TRIM5: variants seen among roughly 807,000 people sequenced by gnomAD.
The protein encoded by TRIM5 is tripartite motif containing 5, also known as tripartite motif-containing protein 5.
TRIM5 carries 31 observed loss-of-function variants against 35.6 expected under a neutral mutation model. The ratio of observed to expected loss-of-function variants is 0.87; its 90% CI spans 0.65 to 1.18. The LOEUF (loss-of-function observed/expected upper bound fraction) is 1.18, where lower values mean the gene tolerates loss of function less well. Among genes scored for constraint, TRIM5 ranks in the 50% most tolerant of loss-of-function variants. TRIM5 has a pLI of 0.00. For missense variants in TRIM5, 609 were observed against 591.6 expected (o/e 1.03, Z -0.31); for synonymous variants, 243 against 215.6 (o/e 1.13, Z -1.11).
At chr11:5,627,237 G>A in the TRIM5 span, among the ~76,000 whole-genome samples, 182 of 152,048 alleles carry the variant, frequency 1.2e-3, 2 homozygotes, top group Middle Eastern at 0.024. Context: ...AAAATTAGCT[G>A]GGCGTTGTGG....
the TRIM5 span, among the ~76,000 whole-genome samples, chr11:5,639,168 A>G: frequency 2.0e-5 from 3 of 152,136 alleles, no homozygotes; most frequent in Admixed American, 6.5e-5. Flanking sequence ...TTGTTTTCAC[A>G]TTTCAGCCCT....
chr11:5,630,446 T>G, the TRIM5 span, among the ~76,000 whole-genome samples: 1 of 152,206 alleles, frequency 6.6e-6, no homozygotes, highest in Non-Finnish European at 1.5e-5. Flanking sequence ...TCACTTTTAC[T>G]TCATTTAGGA....
At chr11:5,654,456 C>G in the TRIM5 span, among the ~76,000 whole-genome samples, 1 of 152,114 alleles carries the variant, frequency 6.6e-6, no homozygotes, top group African/African-American at 2.4e-5. Flanking sequence ...ATTGCTTAGG[C>G]TGTGGTTGTT....
the TRIM5 span, among the ~76,000 whole-genome samples, chr11:5,622,636 A>T: frequency 1.2e-5 from 1 of 83,516 alleles, no homozygotes; most frequent in Non-Finnish European, 2.1e-5. Context: ...CAAACAAACA[A>T]ATAAAAAAAA....
the TRIM5 span, chr11:5,605,349 C>T: frequency 6.2e-7 from 1 of 1,614,018 alleles, no homozygotes. Context: ...TCAGATGGAG[C>T]CTGAGAGATG....
At chr11:5,649,489 A>G in the TRIM5 span, among the ~76,000 whole-genome samples, 1 of 152,096 alleles carries the variant, frequency 6.6e-6, no homozygotes, top group African/African-American at 2.4e-5. Context: ...CTTAACCTAC[A>G]TTGTGGAGTA....
At chr11:5,649,718 A>G in the TRIM5 span, among the ~76,000 whole-genome samples, 1 of 152,192 alleles carries the variant, frequency 6.6e-6, no homozygotes, top group African/African-American at 2.4e-5. Flanking sequence ...GCAGAAGTAG[A>G]AGGCAAAATT....
At chr11:5,646,255 T>C in the TRIM5 span, among the ~76,000 whole-genome samples, 3 of 151,942 alleles carry the variant, frequency 2.0e-5, no homozygotes, top group Non-Finnish European at 2.9e-5. Flanking sequence ...CACTCTGAAA[T>C]GATAAAAATT....
chr11:5,633,093 C>T, the TRIM5 span, among the ~76,000 whole-genome samples: 2 of 150,510 alleles, frequency 1.3e-5, no homozygotes, highest in Non-Finnish European at 3.0e-5. Flanking sequence ...CCACCTCGGC[C>T]TCCCAAAGTG....
At chr11:5,596,592 A>G in the TRIM5 span, 1 of 127,124 alleles carries the variant, frequency 7.9e-6, no homozygotes, top group Non-Finnish European at 1.6e-5. Flanking sequence ...CGCTCCAGGA[A>G]GTGAGCACCG....
the TRIM5 span, among the ~76,000 whole-genome samples, chr11:5,629,813 T>C: frequency 1.6e-4 from 24 of 152,300 alleles, no homozygotes; most frequent in South Asian, 6.2e-4. Flanking sequence ...GTTCACGCCA[T>C]TCTCCTGCCT....
the TRIM5 span, among the ~76,000 whole-genome samples, chr11:5,595,927 C>T: frequency 6.6e-6 from 1 of 152,080 alleles, no homozygotes; most frequent in Non-Finnish European, 1.5e-5. Flanking sequence ...GTTATCCGCC[C>T]GCCTCGGCCT....
intron 4 of TRIM5, among the ~76,000 whole-genome samples, 171 bp from the exon 5 acceptor site, chr11:5,667,882 G>T (rs1262270833): frequency 6.6e-6 from 1 of 152,172 alleles, no homozygotes; most frequent in Non-Finnish European, 1.5e-5. Flanking sequence ...AGACTCATGT[G>T]AGATTTCCAA....
rs57512079 is a variant in TRIM5 at position 5,667,450 on chromosome 11, C to T, written c.767+239G>A. Among the ~76,000 whole-genome samples the T allele has an allele frequency of 3.4e-4, 52 of 152,144 alleles. 1 individual carries two copies. Among genetic ancestry groups the T allele is most frequent in the Admixed American group, 6.6e-5 (1 of 15,266 alleles). On this transcript the variant is annotated intron_variant, in intron 5 of 7. Coordinates refer to ENST00000380034, the MANE Select transcript of TRIM5 (RefSeq NM_033034.3). ...TCTCAAACTCCTGATCTTCCTGACT[C>T]GGCGTCCCAAAGTGCTGGGATTATA...
At chr11:5,596,895 C>T in the TRIM5 span, 1 of 1,613,922 alleles carries the variant, frequency 6.2e-7, no homozygotes, top group East Asian at 2.2e-5. Context: ...TCTCATTCCC[C>T]AGATGTGCGG....
chr11:5,652,255 A>T, the TRIM5 span, among the ~76,000 whole-genome samples: 1 of 152,164 alleles, frequency 6.6e-6, no homozygotes, highest in East Asian at 1.9e-4. Flanking sequence ...TGTGTCCAGA[A>T]TGGTATTACC....
the TRIM5 span, chr11:5,610,000 G>C: frequency 1.3e-6 from 1 of 743,876 alleles, no homozygotes; most frequent in Non-Finnish European, 2.2e-6. Flanking sequence ...TCTGGCTCCA[G>C]TGCCAGGGCT....
chr11:5,680,192 T>TG lies in TRIM5; in HGVS notation c.-16dup. ...CCAGAAGCCATAGTAGCTATTCCACTGCTCCTGCCTGTCCTGGCTGCTGAG... is the reference window on the plus strand; with the variant it reads ...CCAGAAGCCATAGTAGCTATTCCACTGGCTCCTGCCTGTCCTGGCTGCTGAG... On this transcript the variant is annotated 5_prime_UTR_variant, in exon 2 of 8. Coordinates refer to ENST00000380034, the MANE Select transcript of TRIM5 (RefSeq NM_033034.3). 1 of 1,576,550 alleles carries TG rather than the reference T, an allele frequency of 6.3e-7. No homozygotes were observed. Among genetic ancestry groups the TG allele is most frequent in the Admixed American group, 1.8e-5 (1 of 57,118 alleles).
At chr11:5,606,979 G>A in the TRIM5 span, among the ~76,000 whole-genome samples, 2 of 152,258 alleles carry the variant, frequency 1.3e-5, no homozygotes, top group Admixed American at 6.5e-5. Flanking sequence ...CGAGGCAGGC[G>A]GATCATGAGG....
Sources: gnomAD v4.1 joint callset for allele counts (sites outside exome capture counted in the v4.1 genomes callset) on GRCh38, gnomAD v4.1.1 for gene constraint, MANE v1.5 for transcripts, NCBI Gene and HGNC (gene_info 2026-07-23, HGNC 2026-07-21) for gene names.